Variants in STK3 observed in about 807,000 individuals in gnomAD.
STK3 encodes serine/threonine kinase 3, also known as serine/threonine-protein kinase 3.
In STK3, 41 loss-of-function variants were observed where a neutral mutation model predicts 58.0. The ratio of observed to expected loss-of-function variants is 0.71; its 90% CI spans 0.55 to 0.92. STK3 has a LOEUF of 0.92. Among genes scored for constraint, STK3 ranks in the 40% least tolerant of loss-of-function variants. The pLI is 0.00. For synonymous variants in STK3, 170 were observed against 191.0 expected (o/e 0.89, Z 0.91); for missense variants, 479 against 602.7 (o/e 0.79, Z 2.15).
At chr8:98,728,963 T>A (rs546849338) in intron 4 of STK3, among the ~76,000 whole-genome samples, 1 of 152,306 alleles carries the variant, frequency 6.6e-6, no homozygotes, top group East Asian at 1.9e-4. Flanking sequence ...AACATATACA[T>A]ATTTTTAAAA....
At chr8:98,816,496 G>A (rs1391153380) in intron 1 of STK3, among the ~76,000 whole-genome samples, 1 of 152,044 alleles carries the variant, frequency 6.6e-6, no homozygotes, top group South Asian at 2.1e-4. Flanking sequence ...CAGTGACAGG[G>A]CAAGATCCTG....
At chr8:98,753,279 T>C (rs1318189771) in intron 3 of STK3, among the ~76,000 whole-genome samples, 5 of 152,206 alleles carry the variant, frequency 3.3e-5, no homozygotes, top group Non-Finnish European at 1.5e-5. Flanking sequence ...CACAATGGAA[T>C]ACTATGCAGC....
chr8:98,665,070 A>G (rs1030169345), intron 6 of STK3, among the ~76,000 whole-genome samples: 4 of 152,232 alleles, frequency 2.6e-5, no homozygotes, highest in Admixed American at 1.3e-4. Flanking sequence ...GCAAATTCCC[A>G]GAAAGAATGA....
chr8:98,596,867 T>C (rs1815870770), intron 6 of STK3, among the ~76,000 whole-genome samples: 1 of 151,900 alleles, frequency 6.6e-6, no homozygotes, highest in African/African-American at 2.4e-5. Flanking sequence ...AGTATGTTTA[T>C]GACCCAAGAA....
chr8:98,902,951 C>T (rs1319810063), intron 1 of STK3, among the ~76,000 whole-genome samples: 2 of 152,208 alleles, frequency 1.3e-5, no homozygotes, highest in African/African-American at 2.4e-5. Context: ...CAGTCTGACT[C>T]CAAAACCCAA....
At chr8:98,353,568 A>T in the STK3 span, among the ~76,000 whole-genome samples, 1 of 152,224 alleles carries the variant, frequency 6.6e-6, no homozygotes, top group Non-Finnish European at 1.5e-5. Flanking sequence ...TATTCCCAAG[A>T]TATCTCATTA....
downstream of STK3, among the ~76,000 whole-genome samples, chr8:98,454,036 T>A (rs1480390899): frequency 6.6e-6 from 1 of 152,250 alleles, no homozygotes; most frequent in Non-Finnish European, 1.5e-5. Flanking sequence ...TTTTATAATC[T>A]TATAATTTGT....
chr8:98,585,511 G>C (rs1215869739), intron 7 of STK3, among the ~76,000 whole-genome samples: 2 of 150,668 alleles, frequency 1.3e-5, no homozygotes, highest in Non-Finnish European at 3.0e-5. Flanking sequence ...TTGTAGTATA[G>C]TTTGAAGTCA....
Position 98,499,727 on chromosome 8 carries a change from AAGG to A in STK3, c.1317+27012_1317+27014del, listed in dbSNP as rs1245670021. On this transcript the variant is annotated intron_variant, in intron 10 of 10. Transcript: ENST00000419617. ...CAACATTTTATTAGAAACTGTAGGAAAGGAGATTTGTCATATAGTGGCAGAAAG... is the reference window on the plus strand; with the variant it reads ...CAACATTTTATTAGAAACTGTAGGAAAGATTTGTCATATAGTGGCAGAAAG... 4.6e-5 allele frequency among the ~76,000 whole-genome samples: 7 copies of A among 152,328 alleles called. 1 individual carries two copies. Among genetic ancestry groups the A allele is most frequent in the Non-Finnish European group, 5.9e-5 (4 of 68,028 alleles).
In STK3 at chr8:98,915,432, CTATATA is replaced by C. The variant is rs56187203; in HGVS notation, c.-79+26940_-79+26945del. Among the ~76,000 whole-genome samples, 868 of 94,702 alleles carry C rather than the reference CTATATA, an allele frequency of 9.2e-3. 24 individuals are homozygous for C. Among genetic ancestry groups the C allele is most frequent in the African/African-American group, 0.044 (785 of 17,836 alleles). 62.1% of individuals were successfully genotyped at this position (94,702 alleles called of 152,430 possible). A position where few individuals can be genotyped will look rare whatever the true frequency, so the allele number is the denominator to read the frequency against. ...GTGAGTTAATACTTAATAAACTTTC[CTATATA>C]TATATATATATATATATATATATAT... On this transcript the variant is annotated intron_variant, in intron 1 of 1. Coordinates refer to the STK3 transcript ENST00000519420.
At chr8:98,408,612 G>A (rs372322772) in intron 3 of STK3, among the ~76,000 whole-genome samples, 57 of 152,274 alleles carry the variant, frequency 3.7e-4, no homozygotes, top group East Asian at 2.1e-3. Flanking sequence ...CTCTTAAAGC[G>A]TTTAAGAGAG....
rs139540180 is a variant in STK3, at chr8:98,851,338, C to T, written c.110+32309G>A. Among the ~76,000 whole-genome samples the T allele has an allele frequency of 8.5e-3, 1,293 of 152,142 alleles. 11 individuals are homozygous for T. Among genetic ancestry groups the T allele is most frequent in the African/African-American group, 0.029 (1,213 of 41,500 alleles). ...CTTCAGGCAATGTGCGGAAGTTCCT[C>T]GAGCCCACGCTAGTATAGAGAAAGG... On this transcript the variant is annotated intron_variant, in intron 3 of 12. Coordinates refer to the STK3 transcript ENST00000523601.
At chr8:98,912,675 C>T (rs1207608687) in intron 1 of STK3, among the ~76,000 whole-genome samples, 3 of 152,098 alleles carry the variant, frequency 2.0e-5, no homozygotes, top group Non-Finnish European at 4.4e-5. Context: ...AGTTCTTATG[C>T]CCAAACACCA....
In STK3 at chr8:98,575,178, G is replaced by A. The variant is rs72666654; in HGVS notation, c.948+4486C>T. Among the ~76,000 whole-genome samples, 133 of 152,212 alleles carry A rather than the reference G, an allele frequency of 8.7e-4. 1 individual carries two copies. The highest frequency in any genetic ancestry group is 2.6e-3 in the Admixed American group (39 of 15,274). On this transcript the variant is annotated intron_variant, in intron 8 of 10. Transcript: ENST00000419617. ...AAAGAAATAATACTTGGGGTAGATG[G>A]GATAGTGCGTGTATTTTGCATGGGC...
At chr8:98,363,927 A>G in the STK3 span, among the ~76,000 whole-genome samples, 2 of 152,226 alleles carry the variant, frequency 1.3e-5, no homozygotes, top group Non-Finnish European at 2.9e-5. Flanking sequence ...AGTGCCAGGC[A>G]GGATGGGAGG....
intron 7 of STK3, among the ~76,000 whole-genome samples, chr8:98,585,671 G>A (rs1426140674): frequency 6.6e-6 from 1 of 151,270 alleles, no homozygotes; most frequent in African/African-American, 2.4e-5. Context: ...CATTGAATCT[G>A]TAAATTACCT....
intron 6 of STK3, among the ~76,000 whole-genome samples, chr8:98,639,250 C>T (rs1320477148): frequency 6.6e-6 from 1 of 151,980 alleles, no homozygotes; most frequent in African/African-American, 2.4e-5. Flanking sequence ...GCTGGGACTA[C>T]AGGCGCATGC....
Position 98,794,118 on chromosome 8 carries a change from T to C in STK3, c.27-19299A>G, listed in dbSNP as rs143091289. ...TCTCAAATCAACAATCTATTATATCTAGAGGAACTAGAAACAAAAGAACAA... is the reference window on the plus strand; with the variant it reads ...TCTCAAATCAACAATCTATTATATCCAGAGGAACTAGAAACAAAAGAACAA... On this transcript the variant is annotated intron_variant, in intron 1 of 10. Transcript: ENST00000419617. Among the ~76,000 whole-genome samples the C allele has an allele frequency of 8.8e-3, 1,334 of 152,138 alleles. 11 individuals are homozygous for C. The highest frequency in any genetic ancestry group is 0.03 in the African/African-American group (1,258 of 41,500).
chr8:98,461,931 A>C (rs1421861782), intron 10 of STK3, among the ~76,000 whole-genome samples: 2 of 148,076 alleles, frequency 1.4e-5, no homozygotes, highest in Non-Finnish European at 3.0e-5. Flanking sequence ...TTTTGCAACG[A>C]ATCTCCTAGA....
Sources: gnomAD v4.1 joint callset for allele counts (sites outside exome capture counted in the v4.1 genomes callset) on GRCh38, gnomAD v4.1.1 for gene constraint, MANE v1.5 for transcripts, NCBI Gene and HGNC (gene_info 2026-07-23, HGNC 2026-07-21) for gene names.